Variants in REN observed in about 807,000 individuals in gnomAD.
REN encodes renin.
Under a neutral mutation model 48.6 loss-of-function variants are expected in REN, and 42 were observed. That is an observed-to-expected ratio of 0.86 (90% confidence interval 0.68 to 1.12). The LOEUF is 1.12. Ranked by LOEUF, REN falls within the 50% of genes most tolerant of loss-of-function variation. The pLI is 0.00. For missense variants in REN, 443 were observed against 527.3 expected (o/e 0.84, Z 1.57); for synonymous variants, 196 against 204.6 (o/e 0.96, Z 0.36).
At chr1:204,164,712 A>C (rs1312792682) in intron 1 of REN, among the ~76,000 whole-genome samples, 1 of 151,770 alleles carries the variant, frequency 6.6e-6, no homozygotes, top group African/African-American at 2.4e-5. Flanking sequence ...CTGGGACTAC[A>C]GATTTGCACC....
rs748996008 is a variant in REN at position 204,161,364 on chromosome 1, C to T, written c.301G>A (p.Val101Ile). 6.2e-7 allele frequency: 1 copy of T among 1,607,406 alleles called. No homozygotes were observed. Among genetic ancestry groups the T allele is most frequent in the South Asian group, 1.1e-5 (1 of 89,374 alleles). Residue 101 changes from valine (V) to isoleucine (I), a missense_variant, in exon 3 of 10, where the codon GTC becomes ATC. By Grantham distance (29) the Val-to-Ile change is conservative. Transcript: ENST00000272190. ...TTGGACGAACCAGTGTCAAAGACGA[C>T]TTTGAAGGTCTGGGGTGGGGTGCCG... is the stretch of plus-strand genomic sequence containing the variant. ...GIGTPPQTFK[V>I]VFDTGSSNVW... is the part of the protein sequence containing the mutation.
At chr1:204,158,099 A>ACCCCCCCCCCCCCCCCCCCCCTCCC (rs60405376) in intron 5 of REN, among the ~76,000 whole-genome samples, 1 of 142,970 alleles carries the variant, frequency 7.0e-6, no homozygotes, top group African/African-American at 2.6e-5. Context: ...TCTGGATCTC[A>ACCCCCCCCCCCCCCCCCCCCCTCCC]CCCCCCACGC....
chr1:204,159,334 T>C (rs1433011365), intron 5 of REN, 65 bp downstream of exon 5: 1 of 1,460,354 alleles, frequency 6.8e-7, no homozygotes, highest in East Asian at 2.3e-5. Context: ...CAGACTCTCC[T>C]TCCACTCCCC....
chr1:204,161,980 G>A (rs943661409), intron 2 of REN, 33 bp downstream of exon 2: 2 of 1,612,560 alleles, frequency 1.2e-6, no homozygotes, highest in African/African-American at 2.7e-5. Context: ...AAAGGAGACA[G>A]GGAGGGAGCG....
Position 204,160,572 on chromosome 1 carries a change from C to G in REN, c.480G>C (p.Gln160His). The G allele has an allele frequency of 2.5e-6, 4 of 1,613,278 alleles. No homozygotes were observed. Among genetic ancestry groups the G allele is most frequent in the Non-Finnish European group, 3.4e-6 (4 of 1,179,156 alleles). The change falls in exon 4 of 10, where the codon CAG becomes CAC. Residue 160 changes from glutamine (Q) to histidine (H), a missense_variant. Transcript: ENST00000272190. ...STGTVSGFLS[Q>H]DIITVGGITV... ...CGGCCCAACTTACGGTGATGATGTC[C>G]TGGCTGAGAAAGCCACTGACTGTCC...
At chr1:204,161,820 C>A (rs530174836) in intron 2 of REN, among the ~76,000 whole-genome samples, 193 bp downstream of exon 2, 1 of 152,102 alleles carries the variant, frequency 6.6e-6, no homozygotes, top group African/African-American at 2.4e-5. Context: ...CCCTGAATGG[C>A]CCCTGGATGC....
intron 1 of REN, among the ~76,000 whole-genome samples, chr1:204,163,538 C>A (rs1170097273): frequency 1.3e-5 from 2 of 152,192 alleles, no homozygotes; most frequent in Non-Finnish European, 2.9e-5. Context: ...TGCTTTGGAC[C>A]TTTACTTCTT....
intron 5 of REN, among the ~76,000 whole-genome samples, chr1:204,158,115 C>T (rs1369615003): frequency 6.6e-6 from 1 of 152,000 alleles, no homozygotes; most frequent in African/African-American, 2.4e-5. Flanking sequence ...CACGCCACCC[C>T]CCATTCCCTT....
At chr1:204,157,483 T>C in intron 5 of REN, 114 bp from the exon 6 acceptor site, 1 of 1,472,648 alleles carries the variant, frequency 6.8e-7, no homozygotes, top group East Asian at 2.3e-5. Flanking sequence ...GGCAATGGAG[T>C]CACCAAGAGG....
intron 2 of REN, among the ~76,000 whole-genome samples, chr1:204,161,749 C>T (rs1274895571): frequency 1.3e-5 from 2 of 152,136 alleles, no homozygotes; most frequent in South Asian, 2.1e-4. Context: ...TCACACACCC[C>T]TTCCCACCCA....
chr1:204,166,195 C>G lies in REN; in HGVS notation c.98+1G>C, dbSNP rs1658346002. The G allele has an allele frequency of 6.2e-7, 1 of 1,613,004 alleles. No homozygotes were observed. Among genetic ancestry groups the G allele is most frequent in the African/African-American group, 1.3e-5 (1 of 75,042 alleles). ...CCTTCTCTGCCTGAGTTACCAATTA[C>G]CGTTTAAAGGTGGTGGTGTCTGTCG... On this transcript the variant is annotated splice_donor_variant, in intron 1 of 9. Transcript: ENST00000272190. LOFTEE classifies it high-confidence loss of function.
intron 1 of REN, among the ~76,000 whole-genome samples, chr1:204,164,362 A>T (rs561901582): frequency 1.3e-5 from 2 of 152,214 alleles, no homozygotes; most frequent in Admixed American, 6.5e-5. Flanking sequence ...GGGAATGCTG[A>T]GTTGTTGGGG....
chr1:204,163,045 C>T (rs1658277227), intron 1 of REN, among the ~76,000 whole-genome samples: 1 of 152,176 alleles, frequency 6.6e-6, no homozygotes, highest in African/African-American at 2.4e-5. Context: ...GTGTCTGGCC[C>T]TATTTCCCAT....
At chr1:204,155,974 A>G in intron 8 of REN, 56 bp from the exon 9 acceptor site, 2 of 1,504,968 alleles carry the variant, frequency 1.3e-6, no homozygotes, top group Non-Finnish European at 9.2e-7. Flanking sequence ...TCAGCAGACA[A>G]GGAGTCCTGC....
rs1373155947 is a variant in REN at position 204,156,586 on chromosome 1, G to A, written c.818+91C>T. 25 of 1,552,912 alleles carry A rather than the reference G, an allele frequency of 1.6e-5. No individual in the cohort carries two copies. In the Middle Eastern group the frequency reaches 1.7e-3, roughly 109 times the overall value. ...AAGAAGTGGCTGCATTTGGAAAGAG[G>A]GCAGGATGGTAATGCAGTCCTTCCC... On this transcript the variant is annotated intron_variant, in intron 7 of 9. Transcript: ENST00000272190. The surrounding 1 kb of genome is among the most constrained non-coding windows in gnomAD (Gnocchi z 4.2).
Position 204,159,640 on chromosome 1 carries a change from C to A in REN, c.493-45G>T, listed in dbSNP as rs373517575. The A allele has an allele frequency of 1.8e-5, 28 of 1,584,296 alleles. No individual in the cohort carries two copies. The African/African-American group carries it at 3.1e-4, about 18-fold the overall frequency. On this transcript the variant is annotated intron_variant, in intron 4 of 9. Coordinates refer to ENST00000272190, the MANE Select transcript of REN (RefSeq NM_000537.4). The stretch of plus-strand genomic sequence containing the variant: ...AGGAGACCAAGCCCACTGCCCACTC[C>A]TTGGTTGGAGTCTGGTCTGGGCTTC...
intron 5 of REN, among the ~76,000 whole-genome samples, chr1:204,157,924 C>T (rs185883880): frequency 6.6e-6 from 1 of 152,304 alleles, no homozygotes; most frequent in Admixed American, 6.5e-5. Flanking sequence ...TTCCTGTCTG[C>T]TGGAACCTCA....
chr1:204,160,019 G>T lies in REN; in HGVS notation c.493-424C>A, dbSNP rs1214545511. 4.6e-5 allele frequency among the ~76,000 whole-genome samples: 7 copies of T among 152,298 alleles called. No homozygotes were observed. The South Asian group carries it at 1.5e-3, about 32-fold the overall frequency. Reference sequence around the variant, plus strand: ...TTCACAGAAAAAGGAAGGGAGGCAGGAATCACCCTGATTTCCTCTCAGGTG... The same window carrying T: ...TTCACAGAAAAAGGAAGGGAGGCAGTAATCACCCTGATTTCCTCTCAGGTG... On this transcript the variant is annotated intron_variant, in intron 4 of 9. Coordinates refer to ENST00000272190, the MANE Select transcript of REN (RefSeq NM_000537.4).
chr1:204,160,746 G>T, intron 3 of REN, 68 bp from the exon 4 acceptor site: 1 of 1,122,574 alleles, frequency 8.9e-7, no homozygotes, highest in Non-Finnish European at 1.4e-6. Flanking sequence ...GAGGCAGGGT[G>T]CATTGTGGGT....
Sources: allele counts gnomAD v4.1 joint callset (sites outside exome capture counted in the v4.1 genomes callset), GRCh38; gene constraint gnomAD v4.1.1; non-coding constraint Gnocchi (gnomAD v3.1); transcripts MANE v1.5; gene names NCBI Gene and HGNC (gene_info 2026-07-23, HGNC 2026-07-21).